MTMR8: variants seen among roughly 807,000 people sequenced by gnomAD.
MTMR8 encodes phosphatidylinositol-3,5-bisphosphate 3-phosphatase MTMR8.
Under a neutral mutation model 39.3 loss-of-function variants are expected in MTMR8, and 65 were observed. That is an observed-to-expected ratio of 1.65 (90% CI 1.35 to 2.03). The LOEUF (loss-of-function observed/expected upper bound fraction) is 2.03, where lower values mean the gene tolerates loss of function less well. Ranked by LOEUF, MTMR8 falls within the 30% of genes most tolerant of loss-of-function variation. The probability of loss-of-function intolerance (pLI) is 0.00; values close to 1 mark genes in which losing one functional copy is unlikely to be tolerated. For missense variants in MTMR8, 777 were observed against 538.9 expected, an observed-to-expected ratio of 1.44 and a Z score of -4.37; for synonymous variants, 245 against 185.2, an observed-to-expected ratio of 1.32 and a Z score of -2.62.
intron 12 of MTMR8, among the ~76,000 whole-genome samples, chrX:64,302,172 C>A (rs1921908194): frequency 8.9e-6 from 1 of 112,683 alleles, no homozygotes; most frequent in Non-Finnish European, 1.9e-5. Context: ...AGCCTCGCTG[C>A]TGCCTTGCAG....
chrX:64,386,478 C>T (rs5964773), intron 1 of MTMR8, among the ~76,000 whole-genome samples: 1 of 110,565 alleles, frequency 9.0e-6, no homozygotes, highest in African/African-American at 3.3e-5. Context: ...TCAGGGGGCA[C>T]TTTAAAACCA....
chrX:64,329,603 T>G (rs1020886959), intron 11 of MTMR8, among the ~76,000 whole-genome samples: 2 of 111,461 alleles, frequency 1.8e-5, no homozygotes, highest in African/African-American at 6.5e-5. Flanking sequence ...TGAGATCCAC[T>G]GGTTCCCAAA....
intron 2 of MTMR8, among the ~76,000 whole-genome samples, chrX:64,357,159 G>A (rs972125064): frequency 1.8e-5 from 2 of 111,439 alleles, no homozygotes; most frequent in Admixed American, 9.5e-5. Flanking sequence ...TCATGGTTTT[G>A]CATTTTGATC....
intron 12 of MTMR8, among the ~76,000 whole-genome samples, chrX:64,273,402 T>C (rs1453794561): frequency 9.5e-6 from 1 of 105,417 alleles, no homozygotes; most frequent in Non-Finnish European, 1.9e-5. Context: ...CCCATTGTAG[T>C]TACAAAGGAA....
chrX:64,360,849 G>T (rs747592303), intron 1 of MTMR8, among the ~76,000 whole-genome samples: 4 of 111,508 alleles, frequency 3.6e-5, no homozygotes, highest in Non-Finnish European at 7.6e-5. Context: ...AATGAGAAAG[G>T]TTAACAACAT....
chrX:64,302,688 T>C (rs368957850), intron 12 of MTMR8, among the ~76,000 whole-genome samples: 1 of 112,552 alleles, frequency 8.9e-6, no homozygotes, highest in African/African-American at 3.2e-5. Context: ...CAGCCAATTG[T>C]TTTAAATATA....
At chrX:64,320,111 G>T (rs1016635216) in intron 12 of MTMR8, among the ~76,000 whole-genome samples, 1 of 110,982 alleles carries the variant, frequency 9.0e-6, no homozygotes, top group Admixed American at 9.6e-5. Context: ...CCTTGAAGAG[G>T]TCCTTCACAT....
chrX:64,344,586 A>G (rs1349815429), intron 7 of MTMR8, among the ~76,000 whole-genome samples: 2 of 111,462 alleles, frequency 1.8e-5, no homozygotes, highest in South Asian at 3.8e-4. Flanking sequence ...CAGATCACCA[A>G]AACTGTCTGA....
intron 1 of MTMR8, among the ~76,000 whole-genome samples, chrX:64,377,422 C>T (rs1384054618): frequency 1.8e-5 from 2 of 112,766 alleles, no homozygotes; most frequent in Non-Finnish European, 3.8e-5. Flanking sequence ...CCAAGGTCTT[C>T]TGAGCCCACC....
intron 1 of MTMR8, among the ~76,000 whole-genome samples, chrX:64,388,949 G>A (rs1306540897): frequency 8.9e-6 from 1 of 111,992 alleles, no homozygotes; most frequent in Non-Finnish European, 1.9e-5. Flanking sequence ...GGAAATGCTA[G>A]TATATCCACT....
chrX:64,376,862 C>T (rs766047160), intron 1 of MTMR8, among the ~76,000 whole-genome samples: 21 of 112,165 alleles, frequency 1.9e-4, no homozygotes, highest in Non-Finnish European at 3.0e-4. Flanking sequence ...GGCCCGGAGG[C>T]CCAGGAGTGA....
chrX:64,283,053 G>T (rs918940099), intron 12 of MTMR8, among the ~76,000 whole-genome samples: 2 of 112,228 alleles, frequency 1.8e-5, no homozygotes, highest in African/African-American at 6.5e-5. Flanking sequence ...AGCGCAAGGG[G>T]TCAGGGAATT....
chrX:64,280,079 C>A (rs1931968896), intron 12 of MTMR8, among the ~76,000 whole-genome samples: 1 of 111,695 alleles, frequency 9.0e-6, no homozygotes, highest in Non-Finnish European at 1.9e-5. Flanking sequence ...TAAAAAAAGC[C>A]CAGGACCAGA....
chrX:64,297,435 T>C (rs1382560099), intron 12 of MTMR8, among the ~76,000 whole-genome samples: 1 of 95,238 alleles, frequency 1.0e-5, no homozygotes, highest in Non-Finnish European at 2.1e-5. Context: ...GTTGTTTGTT[T>C]TTTTCTTGTA....
At chrX:64,366,007 CAAAG>C (rs1338946214) in intron 1 of MTMR8, among the ~76,000 whole-genome samples, 2 of 111,619 alleles carry the variant, frequency 1.8e-5, no homozygotes, top group African/African-American at 6.5e-5. Flanking sequence ...TCAAAAGAGA[CAAAG>C]AAGGCCATTA....
intron 1 of MTMR8, among the ~76,000 whole-genome samples, chrX:64,361,561 G>C (rs1326267345): frequency 9.0e-6 from 1 of 110,770 alleles, no homozygotes; most frequent in Non-Finnish European, 1.9e-5. Flanking sequence ...ACATCACCAA[G>C]ACTAAAAAGA....
At chrX:64,320,942 A>G (rs564045693) in intron 12 of MTMR8, among the ~76,000 whole-genome samples, 1 of 112,069 alleles carries the variant, frequency 8.9e-6, no homozygotes, top group African/African-American at 3.2e-5. Context: ...TCTCTGCGAA[A>G]TCACTATCTG....
At chrX:64,288,582 G>A (rs572888223) in intron 12 of MTMR8, among the ~76,000 whole-genome samples, 11 of 111,544 alleles carry the variant, frequency 9.9e-5, no homozygotes, top group Admixed American at 1.9e-4. Flanking sequence ...TGTTTATTGC[G>A]TCACTACTCA....
Position 64,278,459 on chromosome X carries a change from G to GTTTTTTTTTTTTTTTT in MTMR8, c.1482-7387_1482-7386insAAAAAAAAAAAAAAAA, listed in dbSNP as rs1931928205. 2.8e-4 allele frequency among the ~76,000 whole-genome samples: 14 copies of GTTTTTTTTTTTTTTTT among 49,855 alleles called. 4 individuals are homozygous for GTTTTTTTTTTTTTTTT. The highest frequency in any genetic ancestry group is 1.3e-3 in the African/African-American group (11 of 8,740). 43.3% of individuals were successfully genotyped at this position (49,855 alleles called of 115,157 possible). The stretch of plus-strand genomic sequence containing the variant: ...TGATGTTGATGCTATTTATTTTGCT[G>GTTTTTTTTTTTTTTTT]GTTTTTTTTTTTTTTTTTTTTTTTT... On this transcript the variant is annotated intron_variant, in intron 12 of 13. Coordinates refer to ENST00000374852, the MANE Select transcript of MTMR8 (RefSeq NM_017677.4).
Sources: allele counts gnomAD v4.1 joint callset (sites outside exome capture counted in the v4.1 genomes callset), GRCh38; gene constraint gnomAD v4.1.1; transcripts MANE v1.5; gene names NCBI Gene and HGNC (gene_info 2026-07-23, HGNC 2026-07-21).